Variants in GALNT13 observed in about 807,000 individuals in gnomAD.
GALNT13 encodes polypeptide N-acetylgalactosaminyltransferase 13.
GALNT13 carries 28 observed loss-of-function variants against 64.2 expected under a neutral mutation model. The observed-to-expected ratio is 0.44, with a 90% confidence interval of 0.32 to 0.60. The LOEUF is 0.60. Among genes scored for constraint, GALNT13 ranks in the 20% least tolerant of loss-of-function variants. The pLI, the probability that GALNT13 is intolerant of heterozygous loss-of-function variation, is 0.05. For synonymous variants in GALNT13, 214 were observed against 224.6 expected (o/e 0.95, Z 0.42); for missense variants, 577 against 669.8 (o/e 0.86, Z 1.53).
At chr2:154,249,590 C>T (rs979581855) in intron 7 of GALNT13, among the ~76,000 whole-genome samples, 1 of 152,094 alleles carries the variant, frequency 6.6e-6, no homozygotes, top group African/African-American at 2.4e-5. Context: ...CTGGTAATTT[C>T]CAAGTGAATT....
chr2:153,140,091 C>T, the GALNT13 span, among the ~76,000 whole-genome samples: 3 of 151,980 alleles, frequency 2.0e-5, no homozygotes, highest in Admixed American at 2.0e-4. Context: ...GGTAATCTTA[C>T]CATCCATTCC....
the GALNT13 span, among the ~76,000 whole-genome samples, chr2:153,647,592 G>A: frequency 1.3e-5 from 2 of 152,118 alleles, no homozygotes; most frequent in African/African-American, 4.8e-5. Flanking sequence ...GGTTTTTATG[G>A]TTTTAGGTCT....
At chr2:153,907,434 T>G (rs1011003128) in intron 2 of GALNT13, among the ~76,000 whole-genome samples, 2 of 151,936 alleles carry the variant, frequency 1.3e-5, no homozygotes, top group African/African-American at 4.8e-5. Context: ...TAGGGGTACA[T>G]GAGCAGGTTT....
intron 9 of GALNT13, among the ~76,000 whole-genome samples, chr2:154,391,503 G>A (rs1170820237): frequency 6.6e-6 from 1 of 152,140 alleles, no homozygotes. Context: ...CTCACAGATG[G>A]AACTGGAAGA....
chr2:153,362,553 CAAA>C, the GALNT13 span, among the ~76,000 whole-genome samples: 645 of 80,256 alleles, frequency 8.0e-3, 2 homozygotes, highest in East Asian at 0.032. Flanking sequence ...AAATGGAGAG[CAAA>C]AAAAAAAAAA....
At chr2:153,083,883 G>A in the GALNT13 span, among the ~76,000 whole-genome samples, 417 of 152,310 alleles carry the variant, frequency 2.7e-3, no homozygotes, top group African/African-American at 9.6e-3. Flanking sequence ...TTAGATTTAA[G>A]TATTTGATCC....
At chr2:154,060,655 G>A (rs756502976) in intron 3 of GALNT13, among the ~76,000 whole-genome samples, 3 of 152,068 alleles carry the variant, frequency 2.0e-5, no homozygotes, top group Non-Finnish European at 4.4e-5. Context: ...CCGCACCTAA[G>A]GCCAGTTATA....
intron 6 of GALNT13, among the ~76,000 whole-genome samples, chr2:154,243,223 T>C (rs185015063): frequency 2.9e-4 from 44 of 152,346 alleles, no homozygotes; most frequent in African/African-American, 9.9e-4. Context: ...CTTTTTGTGT[T>C]CTGACAACCA....
chr2:153,213,534 G>T, the GALNT13 span, among the ~76,000 whole-genome samples: 1 of 152,176 alleles, frequency 6.6e-6, no homozygotes, highest in South Asian at 2.1e-4. Flanking sequence ...TCAGTGTTAT[G>T]TACTTATTAC....
At chr2:153,955,928 C>T (rs776720997) in intron 3 of GALNT13, among the ~76,000 whole-genome samples, 4 of 152,162 alleles carry the variant, frequency 2.6e-5, no homozygotes, top group Admixed American at 6.5e-5. Context: ...AGCACACTAC[C>T]GTAGCATTGG....
At chr2:153,081,358 T>C in the GALNT13 span, among the ~76,000 whole-genome samples, 1 of 152,148 alleles carries the variant, frequency 6.6e-6, no homozygotes, top group Non-Finnish European at 1.5e-5. Flanking sequence ...ATTCTTTGAG[T>C]TACAAACAAT....
the GALNT13 span, among the ~76,000 whole-genome samples, chr2:153,515,350 G>A: frequency 6.6e-6 from 1 of 152,144 alleles, no homozygotes; most frequent in Non-Finnish European, 1.5e-5. Flanking sequence ...AACACATGCT[G>A]TTATTTCAAG....
intron 1 of GALNT13, among the ~76,000 whole-genome samples, chr2:153,885,060 TAAATA>T (rs554701224): frequency 6.1e-4 from 92 of 150,536 alleles, no homozygotes; most frequent in Non-Finnish European, 7.7e-4. Context: ...TAAAGTAAAA[TAAATA>T]AAATAAAATA....
the GALNT13 span, among the ~76,000 whole-genome samples, chr2:153,858,649 G>C: frequency 6.6e-6 from 1 of 152,010 alleles, no homozygotes. Context: ...ATCACTTAAT[G>C]TTCTTAATTT....
At chr2:153,575,799 G>A in the GALNT13 span, among the ~76,000 whole-genome samples, 2 of 152,072 alleles carry the variant, frequency 1.3e-5, no homozygotes, top group African/African-American at 4.8e-5. Context: ...TCTGAGTCAA[G>A]TTCTGGAATA....
At chr2:153,958,277 C>T (rs1692712926) in intron 3 of GALNT13, among the ~76,000 whole-genome samples, 1 of 152,006 alleles carries the variant, frequency 6.6e-6, no homozygotes, top group Admixed American at 6.5e-5. Context: ...AGTAGGCCTC[C>T]AAGGGGAAGC....
intron 3 of GALNT13, among the ~76,000 whole-genome samples, chr2:154,002,435 T>C (rs1338324275): frequency 3.3e-5 from 5 of 151,990 alleles, no homozygotes; most frequent in Non-Finnish European, 7.4e-5. Context: ...TTTGGTCAAG[T>C]CTGCTGTTGA....
At chr2:154,103,064 T>A (rs1702430448) in intron 3 of GALNT13, among the ~76,000 whole-genome samples, 4 of 152,086 alleles carry the variant, frequency 2.6e-5, no homozygotes. Flanking sequence ...TCTAGCAAGA[T>A]CAAGTATTTT....
At chr2:154,119,711 T>G (rs903993213) in intron 3 of GALNT13, among the ~76,000 whole-genome samples, 2 of 152,230 alleles carry the variant, frequency 1.3e-5, no homozygotes, top group African/African-American at 4.8e-5. Context: ...ATTCCGCTGT[T>G]TGAGCTTTCT....
Sources: gnomAD v4.1 joint callset for allele counts (sites outside exome capture counted in the v4.1 genomes callset) on GRCh38, gnomAD v4.1.1 for gene constraint, MANE v1.5 for transcripts, NCBI Gene and HGNC (gene_info 2026-07-23, HGNC 2026-07-21) for gene names.